The following USP32 variants were observed in gnomAD, a reference collection of about 807,000 sequenced individuals.
USP32 encodes the protein ubiquitin specific peptidase 32, also known as ubiquitin carboxyl-terminal hydrolase 32.
In USP32, 59 loss-of-function variants were observed where a neutral mutation model predicts 204.8. That is an observed-to-expected ratio of 0.29 (90% CI 0.23 to 0.36). USP32 has a LOEUF of 0.36. Ranked by LOEUF, USP32 falls within the 10% of genes least tolerant of loss-of-function variation. The pLI is 1.00. For missense variants in USP32, 1,160 were observed against 1,946.4 expected (o/e 0.60, Z 7.60); for synonymous variants, 517 against 678.4 (o/e 0.76, Z 3.70).
At chr17:60,378,695 G>A (rs771732802) in intron 1 of USP32, among the ~76,000 whole-genome samples, 6 of 151,992 alleles carry the variant, frequency 3.9e-5, no homozygotes, top group Non-Finnish European at 7.4e-5. Context: ...GTCAAATATT[G>A]TACGATTCTA....
At chr17:60,213,749 A>G in intron 17 of USP32, 87 bp from the exon 18 acceptor site, 1 of 1,502,500 alleles carries the variant, frequency 6.7e-7, no homozygotes, top group South Asian at 1.3e-5. Context: ...AATTAAAAAA[A>G]CAACTTCTTT....
chr17:60,324,168 G>A (rs1430276799), intron 2 of USP32, among the ~76,000 whole-genome samples: 1 of 151,976 alleles, frequency 6.6e-6, no homozygotes, highest in Non-Finnish European at 1.5e-5. Flanking sequence ...TGTGGTCCCA[G>A]CTACTTGGGA....
intron 9 of USP32, among the ~76,000 whole-genome samples, chr17:60,260,480 G>A (rs971650092): frequency 1.3e-5 from 2 of 150,250 alleles, no homozygotes; most frequent in South Asian, 2.1e-4. Context: ...CCAAAATCAC[G>A]CTATTACACT....
At chr17:60,179,671 T>C (rs1198684136) in intron 33 of USP32, among the ~76,000 whole-genome samples, 3 of 151,324 alleles carry the variant, frequency 2.0e-5, no homozygotes, top group Admixed American at 6.6e-5. Context: ...CTCATCAAAT[T>C]CTATTTATTT....
At chr17:60,382,127 T>A (rs150894577) in intron 1 of USP32, among the ~76,000 whole-genome samples, 47 of 152,376 alleles carry the variant, frequency 3.1e-4, no homozygotes, top group Non-Finnish European at 5.9e-4. Context: ...TGAGATAAGC[T>A]CACCGGCAAA....
At chr17:60,184,580 G>A (rs2084200422) in intron 30 of USP32, among the ~76,000 whole-genome samples, 1 of 152,058 alleles carries the variant, frequency 6.6e-6, no homozygotes, top group South Asian at 2.1e-4. Context: ...AGGCCAAGGT[G>A]GGCAGATCAC....
chr17:60,309,085 T>A (rs751418639), intron 2 of USP32, among the ~76,000 whole-genome samples: 9 of 151,946 alleles, frequency 5.9e-5, no homozygotes, highest in Non-Finnish European at 1.2e-4. Context: ...GGGAAAAAAA[T>A]TTTTGTGTAA....
chr17:60,367,361 T>C (rs1377012783), intron 1 of USP32, among the ~76,000 whole-genome samples: 2 of 152,024 alleles, frequency 1.3e-5, no homozygotes, highest in Non-Finnish European at 2.9e-5. Context: ...TCAAAAACAA[T>C]TGGCAGGGCG....
chr17:60,402,954 T>C (rs2143026602), intron 1 of USP32, among the ~76,000 whole-genome samples: 1 of 151,948 alleles, frequency 6.6e-6, no homozygotes, highest in East Asian at 1.9e-4. Flanking sequence ...GTTCCAAAGG[T>C]GAGCATCCTG....
In USP32 at chr17:60,177,774, A is replaced by G. The variant is rs936894230; in HGVS notation, c.*1481T>C. Among the ~76,000 whole-genome samples the G allele has an allele frequency of 6.6e-6, 1 of 152,232 alleles. No individual in the cohort carries two copies. The highest frequency in any genetic ancestry group is 2.4e-5 in the African/African-American group (1 of 41,460). On this transcript the variant is annotated 3_prime_UTR_variant, in exon 34 of 34. Transcript: ENST00000300896. ...AACCTTTCCAAATGCTCTGAGAACT[A>G]GATATTAATAGTTACTGGCCTCAGA...
intron 26 of USP32, among the ~76,000 whole-genome samples, chr17:60,199,596 G>A (rs1344701980): frequency 6.6e-6 from 1 of 152,052 alleles, no homozygotes; most frequent in African/African-American, 2.4e-5. Flanking sequence ...AACTCACTAG[G>A]GGTTAAGTTA....
chr17:60,360,554 G>T (rs1339726220), intron 1 of USP32, among the ~76,000 whole-genome samples: 1 of 151,902 alleles, frequency 6.6e-6, no homozygotes. Flanking sequence ...AGTTACTTGG[G>T]AGGCTGAGGC....
chr17:60,180,111 C>T (rs2145345812), intron 33 of USP32, among the ~76,000 whole-genome samples: 1 of 151,596 alleles, frequency 6.6e-6, no homozygotes, highest in South Asian at 2.1e-4. Context: ...CTGCAACCTC[C>T]ACCTCCCAGG....
intron 15 of USP32, among the ~76,000 whole-genome samples, chr17:60,221,961 G>C (rs1324510194): frequency 6.6e-6 from 1 of 152,074 alleles, no homozygotes; most frequent in Non-Finnish European, 1.5e-5. Flanking sequence ...CATATGTTGT[G>C]ATCTTTTATA....
intron 11 of USP32, among the ~76,000 whole-genome samples, chr17:60,238,532 G>A (rs2145647696): frequency 6.6e-6 from 1 of 152,126 alleles, no homozygotes; most frequent in East Asian, 1.9e-4. Context: ...GCTGGGCGCA[G>A]TGCCTCACGC....
At chr17:60,226,595 G>C (rs969750387) in intron 12 of USP32, among the ~76,000 whole-genome samples, 56 of 151,796 alleles carry the variant, frequency 3.7e-4, no homozygotes, top group African/African-American at 1.2e-3. Flanking sequence ...TATTATTAAA[G>C]ATTACATGGT....
At chr17:60,380,756 T>A (rs1367222386) in intron 1 of USP32, among the ~76,000 whole-genome samples, 1 of 152,196 alleles carries the variant, frequency 6.6e-6, no homozygotes, top group Admixed American at 6.5e-5. Flanking sequence ...ACCCTATTCA[T>A]ACCCACTACT....
intron 1 of USP32, among the ~76,000 whole-genome samples, chr17:60,397,928 G>C (rs2089910563): frequency 6.6e-6 from 1 of 150,702 alleles, no homozygotes; most frequent in African/African-American, 2.5e-5. Context: ...AAAGGACCTA[G>C]GAAATGTACC....
intron 1 of USP32, among the ~76,000 whole-genome samples, chr17:60,408,496 G>A (rs1332226144): frequency 6.6e-6 from 1 of 151,824 alleles, no homozygotes; most frequent in Non-Finnish European, 1.5e-5. Flanking sequence ...TCCTGCCTCC[G>A]CCTCCCAAGT....
Sources: allele counts gnomAD v4.1 joint callset (sites outside exome capture counted in the v4.1 genomes callset), GRCh38; gene constraint gnomAD v4.1.1; transcripts MANE v1.5; gene names NCBI Gene and HGNC (gene_info 2026-07-23, HGNC 2026-07-21).